Variants in MSANTD7 observed in about 807,000 individuals in gnomAD.
MSANTD7 encodes zinc finger and SCAN domain containing 29.
the MSANTD7 span, among the ~76,000 whole-genome samples, chr10:14,841,512 A>G: frequency 1.3e-5 from 2 of 152,202 alleles, no homozygotes; most frequent in South Asian, 2.1e-4. Flanking sequence ...TTGCAAAATT[A>G]TAGTACAGTG....
At chr10:14,845,018 T>A in the MSANTD7 span, 1 of 985,446 alleles carries the variant, frequency 1.0e-6, no homozygotes, top group Non-Finnish European at 1.2e-6. Flanking sequence ...ACAGCTTTGT[T>A]TCCTCTTTAA....
the MSANTD7 span, chr10:14,840,049 T>C: frequency 4.2e-6 from 5 of 1,198,542 alleles, no homozygotes; most frequent in Non-Finnish European, 5.6e-6. Context: ...GTAATATATA[T>C]ATATATATAT....
chr10:14,844,663 G>A, the MSANTD7 span: 5 of 980,868 alleles, frequency 5.1e-6, no homozygotes, highest in African/African-American at 8.8e-5. Context: ...CCGCCATTGT[G>A]TGTTACGGTT....
the MSANTD7 span, chr10:14,840,148 T>C: frequency 7.0e-7 from 1 of 1,435,484 alleles, no homozygotes; most frequent in Non-Finnish European, 9.3e-7. Flanking sequence ...AAGCAGATCC[T>C]GGGCAGAAGG....
chr10:14,838,459 G>C, the MSANTD7 span: 1 of 1,603,740 alleles, frequency 6.2e-7, no homozygotes, highest in Admixed American at 1.7e-5. Context: ...CCGTCTATAA[G>C]GTGAGGGGCT....
chr10:14,841,989 A>C, the MSANTD7 span: 160 of 524,008 alleles, frequency 3.1e-4, no homozygotes, highest in Non-Finnish European at 5.2e-4. Context: ...TGCCGTGTCT[A>C]CCCTGGGTGA....
chr10:14,845,163 C>T, the MSANTD7 span: 14 of 985,332 alleles, frequency 1.4e-5, no homozygotes, highest in African/African-American at 2.4e-4. Flanking sequence ...TGATAAGCCA[C>T]ACTTCCGATT....
chr10:14,840,846 C>T, the MSANTD7 span, among the ~76,000 whole-genome samples: 1 of 152,268 alleles, frequency 6.6e-6, no homozygotes, highest in Non-Finnish European at 1.5e-5. Context: ...ATTTAATTCT[C>T]TCAACATCCT....
the MSANTD7 span, among the ~76,000 whole-genome samples, chr10:14,839,254 G>A: frequency 6.6e-6 from 1 of 152,214 alleles, no homozygotes; most frequent in Admixed American, 6.5e-5. Flanking sequence ...AAGCCAAAGG[G>A]AATAATACTA....
the MSANTD7 span, chr10:14,841,389 T>A: frequency 2.6e-5 from 4 of 152,206 alleles, no homozygotes; most frequent in Admixed American, 6.5e-5. Context: ...ATGATTTTTT[T>A]AATTAAACTT....
At chr10:14,838,469 T>C in the MSANTD7 span, 1 of 1,600,420 alleles carries the variant, frequency 6.2e-7, no homozygotes. Flanking sequence ...GGTGAGGGGC[T>C]GCGGAGCTGG....
At chr10:14,843,879 G>T in the MSANTD7 span, 1 of 1,536,316 alleles carries the variant, frequency 6.5e-7, no homozygotes, top group South Asian at 1.2e-5. Flanking sequence ...GGTTGATTTC[G>T]AATACCAAAA....
At chr10:14,838,595 G>A in the MSANTD7 span, 2 of 829,758 alleles carry the variant, frequency 2.4e-6, no homozygotes, top group South Asian at 1.8e-5. Context: ...AGGACACTCC[G>A]GAGCGAAGGG....
At chr10:14,843,307 G>T in the MSANTD7 span, 2 of 1,539,854 alleles carry the variant, frequency 1.3e-6, no homozygotes, top group Non-Finnish European at 1.8e-6. Context: ...CAGCTCTGCT[G>T]CTGGCTCCAA....
At chr10:14,845,667 C>A in the MSANTD7 span, 1 of 356,386 alleles carries the variant, frequency 2.8e-6, no homozygotes, top group Non-Finnish European at 3.9e-6. Context: ...AATCTTGGCT[C>A]ACTGCAACCT....
chr10:14,845,455 C>G, the MSANTD7 span: 1 of 985,172 alleles, frequency 1.0e-6, no homozygotes, highest in Non-Finnish European at 1.2e-6. Flanking sequence ...AGACGGCAAG[C>G]GAGCTGCTCT....
At chr10:14,844,262 G>A in the MSANTD7 span, 6 of 1,080,950 alleles carry the variant, frequency 5.6e-6, no homozygotes, top group Admixed American at 9.6e-5. Flanking sequence ...TGAGGATCAC[G>A]TAGTTCATAG....
the MSANTD7 span, chr10:14,839,849 A>C: frequency 7.6e-7 from 1 of 1,311,108 alleles, no homozygotes; most frequent in Non-Finnish European, 1.1e-6. Flanking sequence ...TGGTGCACAA[A>C]TGCACACGTC....
At chr10:14,841,427 ATGCTGC>A in the MSANTD7 span, among the ~76,000 whole-genome samples, 1 of 152,174 alleles carries the variant, frequency 6.6e-6, no homozygotes, top group Non-Finnish European at 1.5e-5. Context: ...GCAGTTTCCC[ATGCTGC>A]TGTGTAAGAA....
Sources: gnomAD v4.1 joint callset for allele counts (sites outside exome capture counted in the v4.1 genomes callset) on GRCh38, gnomAD v4.1.1 for gene constraint, MANE v1.5 for transcripts, NCBI Gene and HGNC (gene_info 2026-07-23, HGNC 2026-07-21) for gene names.